PRKX: variants seen among roughly 807,000 people sequenced by gnomAD.
The protein encoded by PRKX is cAMP-dependent protein kinase catalytic subunit PRKX.
A neutral mutation model predicts 22.0 loss-of-function variants in PRKX; 12 were observed. That is an observed-to-expected ratio of 0.54 (90% CI 0.35 to 0.88). The LOEUF (loss-of-function observed/expected upper bound fraction) is 0.88, where lower values mean the gene tolerates loss of function less well. Ranked by LOEUF, PRKX falls within the 40% of genes least tolerant of loss-of-function variation. PRKX has a pLI of 0.01. For missense variants in PRKX, 217 were observed against 308.0 expected, an observed-to-expected ratio of 0.70 and a Z score of 2.21; for synonymous variants, 134 against 137.7, an observed-to-expected ratio of 0.97 and a Z score of 0.19.
chrX:3,657,562 A>G (rs1191600476), intron 2 of PRKX, among the ~76,000 whole-genome samples: 3 of 112,426 alleles, frequency 2.7e-5, no homozygotes, highest in Non-Finnish European at 5.6e-5. Context: ...GGCAGCACTA[A>G]CTAACTAACC....
In PRKX at chrX:3,663,465, CACAA is replaced by C. The variant is rs771664251; in HGVS notation, c.336-8057_336-8054del. Reference sequence around the variant, plus strand: ...ACACACACACACACACACACACACACACAAAAAAATTCAATTAGCTGGACATAGT... The same window carrying C: ...ACACACACACACACACACACACACACAAAAATTCAATTAGCTGGACATAGT... On this transcript the variant is annotated intron_variant, in intron 2 of 8. Coordinates refer to ENST00000262848, the MANE Select transcript of PRKX (RefSeq NM_005044.5). Among the ~76,000 whole-genome samples the C allele has an allele frequency of 6.1e-3, 481 of 78,777 alleles. 2 individuals carry two copies. Among genetic ancestry groups the C allele is most frequent in the African/African-American group, 0.019 (402 of 21,342 alleles). The allele number at this position is 78,777 out of a possible 115,157, so 68.4% of individuals were successfully genotyped here.
At position 3,700,352 on chromosome X, in the gene PRKX, G is replaced by A. The variant is rs1479261895; in HGVS notation, c.166+12736C>T. ...AGAAACATAAAGGAAACCCTAAGCT[G>A]TTTCTTTGCAAAGACTGATGAAATT... On this transcript the variant is annotated intron_variant, in intron 1 of 8. Transcript: ENST00000262848. Among the ~76,000 whole-genome samples, 4 of 112,027 alleles carry A rather than the reference G, an allele frequency of 3.6e-5. No individual in the cohort carries two copies. In the Admixed American group the frequency reaches 3.8e-4, roughly 11 times the overall value.
intron 2 of PRKX, among the ~76,000 whole-genome samples, chrX:3,656,810 T>A (rs758510269): frequency 8.9e-6 from 1 of 112,257 alleles, no homozygotes; most frequent in Non-Finnish European, 1.9e-5. Flanking sequence ...AAATACCATA[T>A]ACTAGGGGGT....
At chrX:3,695,688 G>A (rs368793208) in intron 1 of PRKX, among the ~76,000 whole-genome samples, 7 of 111,711 alleles carry the variant, frequency 6.3e-5, no homozygotes, top group Admixed American at 9.5e-5. Context: ...GAGTCACAGC[G>A]CACATGACCC....
intron 1 of PRKX, among the ~76,000 whole-genome samples, chrX:3,707,438 G>A (rs1429210795): frequency 4.5e-5 from 5 of 110,681 alleles, no homozygotes; most frequent in African/African-American, 1.3e-4. Context: ...ACTAAGTGCC[G>A]GGTCTGTTCT....
intron 4 of PRKX, among the ~76,000 whole-genome samples, chrX:3,630,698 C>T (rs1926762427): frequency 9.0e-6 from 1 of 111,653 alleles, no homozygotes; most frequent in Non-Finnish European, 1.9e-5. Flanking sequence ...TGAGTGAAAG[C>T]GAGCAAAGGG....
At chrX:3,616,293 A>G (rs1312842973) in intron 6 of PRKX, among the ~76,000 whole-genome samples, 2 of 111,533 alleles carry the variant, frequency 1.8e-5, no homozygotes, top group East Asian at 5.6e-4. Context: ...GAATGATGTT[A>G]ATTTGCTCCG....
chrX:3,666,097 G>A lies in PRKX; in HGVS notation c.335+8501C>T, dbSNP rs1272757414. The stretch of plus-strand genomic sequence containing the variant: ...ACAATCTCAGCTCACTGCAATCTCC[G>A]CCTCCTGGGTTGAAGTGATCCTCCT... On this transcript the variant is annotated intron_variant, in intron 2 of 8. Transcript: ENST00000262848. Among the ~76,000 whole-genome samples, 6 of 107,553 alleles carry A rather than the reference G, an allele frequency of 5.6e-5. No homozygotes were observed. The East Asian group carries it at 8.8e-4, about 16-fold the overall frequency. 93.4% of individuals were successfully genotyped at this position (107,553 alleles called of 115,157 possible). A position where few individuals can be genotyped will look rare whatever the true frequency, so the allele number is the denominator to read the frequency against.
chrX:3,610,438 C>T lies in PRKX; in HGVS notation c.*24-1493G>A, dbSNP rs776470459. Among the ~76,000 whole-genome samples the T allele has an allele frequency of 9.9e-5, 11 of 111,165 alleles. 1 individual carries two copies. In the South Asian group the frequency reaches 4.3e-3, roughly 43 times the overall value. ...CGGAGGTTGCAGTGAGCTGAGATCG[C>T]ACCACTGCAATCCAGCCTGGGCAAC... On this transcript the variant is annotated intron_variant, in intron 8 of 8. Transcript: ENST00000262848.
intron 1 of PRKX, among the ~76,000 whole-genome samples, chrX:3,711,274 C>A (rs1005751738): frequency 2.7e-5 from 3 of 110,295 alleles, no homozygotes; most frequent in African/African-American, 9.9e-5. Context: ...GAGAAAGGAG[C>A]ATCATCCTCA....
At chrX:3,623,057 C>T (rs938407668) in intron 5 of PRKX, among the ~76,000 whole-genome samples, 4 of 106,372 alleles carry the variant, frequency 3.8e-5, no homozygotes, top group African/African-American at 6.8e-5. Flanking sequence ...TAAGTGTATA[C>T]GCTAATGGGG....
intron 2 of PRKX, among the ~76,000 whole-genome samples, chrX:3,662,267 A>G (rs1927610973): frequency 9.0e-6 from 1 of 111,577 alleles, no homozygotes; most frequent in Non-Finnish European, 1.9e-5. Context: ...GGAGAGACAC[A>G]AAAGAGCTGG....
Position 3,605,060 on chromosome X carries a change from C to CACACACA in PRKX, c.*3908_*3909insTGTGTGT, listed in dbSNP as rs1926138181. The CACACACA allele has an allele frequency of 3.2e-5, 3 of 93,704 alleles. No homozygotes were observed. The highest frequency in any genetic ancestry group is 1.2e-4 in the African/African-American group (3 of 24,810). The allele number at this position is 93,704 out of a possible 1,213,427, so 7.7% of individuals were successfully genotyped here. On this transcript the variant is annotated 3_prime_UTR_variant, in exon 9 of 9. Coordinates refer to ENST00000262848, the MANE Select transcript of PRKX (RefSeq NM_005044.5). ...ACACACACACACACACACACACACA[C>CACACACA]CCCGCAAAGAAACTATCCAAATGCA...
chrX:3,657,270 G>A (rs1204400741), intron 2 of PRKX, among the ~76,000 whole-genome samples: 1 of 111,120 alleles, frequency 9.0e-6, no homozygotes, highest in Non-Finnish European at 1.9e-5. Context: ...ACTGTATTTG[G>A]AGACAGGTCA....
At chrX:3,662,323 G>C (rs1243138546) in intron 2 of PRKX, among the ~76,000 whole-genome samples, 1 of 111,172 alleles carries the variant, frequency 9.0e-6, no homozygotes, top group African/African-American at 3.3e-5. Context: ...CACTTTGCGG[G>C]GCCAAGGTGG....
rs964241321 is a variant in PRKX at position 3,643,292 on chromosome X, C to A, written c.600-1321G>T. On this transcript the variant is annotated intron_variant, in intron 3 of 8. Transcript: ENST00000262848. ...CTAAGAAAGCTCTGGAATAAAAAAT[C>A]ACTTTCTTTACACTAGACCTCGCTC... Among the ~76,000 whole-genome samples, 5 of 111,529 alleles carry A rather than the reference C, an allele frequency of 4.5e-5. No individual in the cohort carries two copies. In the Admixed American group the frequency reaches 4.8e-4, roughly 11 times the overall value.
intron 1 of PRKX, among the ~76,000 whole-genome samples, chrX:3,689,513 A>G (rs1212399894): frequency 9.0e-6 from 1 of 111,683 alleles, no homozygotes; most frequent in Non-Finnish European, 1.9e-5. Context: ...CCCCGTCTCT[A>G]TTAAAAGATC....
intron 1 of PRKX, among the ~76,000 whole-genome samples, chrX:3,700,589 TTTC>T (rs201012400): frequency 0.021 from 2,309 of 110,661 alleles, 62 homozygotes; most frequent in African/African-American, 0.072. Context: ...TTTTCTTTTC[TTTC>T]TTTTCTTTCA....
chrX:3,693,440 A>G lies in PRKX; in HGVS notation c.167-18674T>C, dbSNP rs183343831. On this transcript the variant is annotated intron_variant, in intron 1 of 8. Coordinates refer to ENST00000262848, the MANE Select transcript of PRKX (RefSeq NM_005044.5). ...CAGCTTAGGGTTTGGGCATCTACGC[A>G]GTGAGTGCTGCCGACTTAGGCAAGG... Among the ~76,000 whole-genome samples the G allele has an allele frequency of 1.6e-3, 181 of 111,362 alleles. 1 individual carries two copies. The highest frequency in any genetic ancestry group is 5.6e-3 in the African/African-American group (172 of 30,678).
Sources: allele counts gnomAD v4.1 joint callset (sites outside exome capture counted in the v4.1 genomes callset), GRCh38; gene constraint gnomAD v4.1.1; transcripts MANE v1.5; gene names NCBI Gene and HGNC (gene_info 2026-07-23, HGNC 2026-07-21).